Variants in HSF2 observed in about 807,000 individuals in gnomAD.
HSF2 encodes the protein heat shock transcription factor 2.
In HSF2, 21 loss-of-function variants were observed where a neutral mutation model predicts 65.0. The ratio of observed to expected loss-of-function variants is 0.32; its 90% CI spans 0.23 to 0.47. The LOEUF is 0.47. Among genes scored for constraint, HSF2 ranks in the 20% least tolerant of loss-of-function variants. The probability of loss-of-function intolerance (pLI) is 1.00; values close to 1 mark genes in which losing one functional copy is unlikely to be tolerated. For synonymous variants in HSF2, 225 were observed against 219.1 expected (o/e 1.03, Z -0.24); for missense variants, 499 against 628.1 (o/e 0.79, Z 2.20).
At chr6:122,404,720 A>G (rs1773825546) in intron 1 of HSF2, among the ~76,000 whole-genome samples, 1 of 152,212 alleles carries the variant, frequency 6.6e-6, no homozygotes, top group Non-Finnish European at 1.5e-5. Flanking sequence ...TCATCCTTGT[A>G]AAATACTTAG....
At chr6:122,414,107 A>T (rs564458558) in intron 4 of HSF2, among the ~76,000 whole-genome samples, 7 of 152,296 alleles carry the variant, frequency 4.6e-5, no homozygotes, top group Non-Finnish European at 5.9e-5. Flanking sequence ...AAATCGGAAA[A>T]CGATGCAGGA....
intron 11 of HSF2, 72 bp downstream of exon 11, chr6:122,428,028 G>A (rs913827342): frequency 5.7e-6 from 5 of 875,204 alleles, no homozygotes; most frequent in South Asian, 4.9e-5. Context: ...TAAGTAGAGA[G>A]CAATGTCACT....
At position 122,432,012 on chromosome 6, in the gene HSF2, C is replaced by T; in HGVS notation, c.1403C>T (p.Thr468Ile). 5 of 1,614,014 alleles carry T rather than the reference C, an allele frequency of 3.1e-6. No homozygotes were observed. Among genetic ancestry groups the T allele is most frequent in the Non-Finnish European group, 4.2e-6 (5 of 1,179,882 alleles). ...PASSVEQAST[T>I]ASSEVLSSVD... ...TCTTCTGTTGAACAGGCGAGTACAACAGCATCATCAGAAGTTTTGTCCTCT... is the reference window on the plus strand; with the variant it reads ...TCTTCTGTTGAACAGGCGAGTACAATAGCATCATCAGAAGTTTTGTCCTCT... Residue 468 changes from threonine (T) to isoleucine (I), a missense_variant, in exon 13 of 13, where the codon ACA (threonine) becomes ATA (isoleucine). Coordinates refer to ENST00000368455, the MANE Select transcript of HSF2 (RefSeq NM_004506.4).
At chr6:122,410,465 TTAAG>T (rs1236460655) in intron 1 of HSF2, among the ~76,000 whole-genome samples, 1 of 151,892 alleles carries the variant, frequency 6.6e-6, no homozygotes, top group African/African-American at 2.4e-5. Flanking sequence ...TTTAAGTGCA[TTAAG>T]TTAGATTCAC....
intron 10 of HSF2, among the ~76,000 whole-genome samples, chr6:122,427,009 C>G (rs1774352764): frequency 6.6e-6 from 1 of 151,984 alleles, no homozygotes; most frequent in Non-Finnish European, 1.5e-5. Flanking sequence ...AAGTTCTAAC[C>G]TAATATTCTC....
chr6:122,420,270 A>G (rs773760505), intron 7 of HSF2, 48 bp downstream of exon 7: 1 of 1,425,838 alleles, frequency 7.0e-7, no homozygotes, highest in East Asian at 2.3e-5. Context: ...CTCAGACTAA[A>G]TTTTATTATG....
intron 1 of HSF2, among the ~76,000 whole-genome samples, chr6:122,406,092 C>G (rs1365445377): frequency 6.6e-6 from 1 of 152,028 alleles, no homozygotes; most frequent in African/African-American, 2.4e-5. Context: ...CTCTTTTATC[C>G]CCTGCTGACA....
intron 8 of HSF2, 95 bp downstream of exon 8, chr6:122,422,393 A>T (rs1774256308): frequency 1.0e-6 from 1 of 958,530 alleles, no homozygotes; most frequent in African/African-American, 1.7e-5. Context: ...GAAAAATAAT[A>T]ATCTTTCTCA....
chr6:122,431,551 T>C (rs1402734031), intron 12 of HSF2, 37 bp downstream of exon 12: 1 of 1,212,050 alleles, frequency 8.3e-7, no homozygotes, highest in Admixed American at 1.9e-5. Context: ...CTGTAGGTTT[T>C]TTTAATCCTA....
intron 1 of HSF2, among the ~76,000 whole-genome samples, chr6:122,405,734 A>G (rs577680180): frequency 5.9e-5 from 9 of 152,352 alleles, no homozygotes; most frequent in South Asian, 2.1e-4. Context: ...GAACACAGCT[A>G]TGCCCAATCT....
rs1201604730 is a variant in HSF2 at position 122,422,182 on chromosome 6, A to C, written c.714A>C (p.Pro238=). 6 of 1,606,580 alleles carry C rather than the reference A, an allele frequency of 3.7e-6. No homozygotes were observed. In the African/African-American group the frequency reaches 6.7e-5, roughly 18 times the overall value. Reference sequence around the variant, plus strand: ...ACAGTAGGACTGAAGGTTTAAAGCCAAGGGAGAGGATTTCAGATGACATCA... The same window carrying C: ...ACAGTAGGACTGAAGGTTTAAAGCCCAGGGAGAGGATTTCAGATGACATCA... The part of the protein sequence containing the change: ...VPHSRTEGLK[P]RERISDDIII... The change falls in exon 8 of 13, where the codon CCA becomes CCC. Residue 238 remains proline, a synonymous_variant. Coordinates refer to ENST00000368455, the MANE Select transcript of HSF2 (RefSeq NM_004506.4).
chr6:122,413,773 CA>C (rs1176964343), intron 4 of HSF2, 124 bp downstream of exon 4: 5 of 796,562 alleles, frequency 6.3e-6, no homozygotes, highest in African/African-American at 5.4e-5. Flanking sequence ...AAGCCAAGAT[CA>C]AAGGTCATTT....
chr6:122,413,013 C>A (rs1774036682), intron 3 of HSF2, among the ~76,000 whole-genome samples: 1 of 151,674 alleles, frequency 6.6e-6, no homozygotes, highest in Non-Finnish European at 1.5e-5. Context: ...ATTGTACATC[C>A]AGTACCTACA....
Position 122,399,747 on chromosome 6 carries a change from A to G in HSF2, c.10A>G (p.Ser4Gly). MKQ[S>G]SNVPAFLSKL... ...CTGCGCCGCGTTAACAATGAAGCAG[A>G]GTTCGAACGTGCCGGCTTTCCTCAG... The change falls in exon 1 of 13, where the codon AGT becomes GGT. Residue 4 changes from serine to glycine, a missense_variant. Physicochemically the swap from Ser to Gly is moderately conservative, Grantham distance 56. Coordinates refer to ENST00000368455, the MANE Select transcript of HSF2 (RefSeq NM_004506.4). 4 of 1,611,868 alleles carry G rather than the reference A, an allele frequency of 2.5e-6. No individual in the cohort carries two copies. Among genetic ancestry groups the G allele is most frequent in the Non-Finnish European group, 3.4e-6 (4 of 1,179,064 alleles).
chr6:122,399,686 CGCT>C lies in HSF2; in HGVS notation c.-51_-49del. On this transcript the variant is annotated 5_prime_UTR_variant, in exon 1 of 13. Coordinates refer to ENST00000368455, the MANE Select transcript of HSF2 (RefSeq NM_004506.4). ...GAGCTGCTGCCGTAGCTGCCGCCGC[CGCT>C]ACCACCGCGTTCGGGTGTAGAATTT... The C allele has an allele frequency of 7.8e-7, 1 of 1,279,336 alleles. No homozygotes were observed. Among genetic ancestry groups the C allele is most frequent in the Non-Finnish European group, 1.1e-6 (1 of 908,450 alleles). 79.2% of individuals were successfully genotyped at this position (1,279,336 alleles called of 1,614,324 possible). A position where few individuals can be genotyped will look rare whatever the true frequency, so the allele number is the denominator to read the frequency against.
Position 122,412,370 on chromosome 6 carries a change from C to G in HSF2, c.94-3C>G, listed in dbSNP as rs1774019551. 2 of 1,575,920 alleles carry G rather than the reference C, an allele frequency of 1.3e-6. No individual in the cohort carries two copies. The highest frequency in any genetic ancestry group is 1.7e-6 in the Non-Finnish European group (2 of 1,147,694). ...CTTTTTCTTTTTTTTTTTCCCCTTG[C>G]AGAATGGCCAAAGTTTTCTGGTCTT... On this transcript the variant is annotated splice_region_variant and splice_polypyrimidine_tract_variant and intron_variant, in intron 1 of 12. Transcript: ENST00000368455.
intron 1 of HSF2, among the ~76,000 whole-genome samples, chr6:122,408,784 T>G (rs1388172112): frequency 6.6e-6 from 1 of 152,054 alleles, no homozygotes; most frequent in Non-Finnish European, 1.5e-5. Flanking sequence ...TTGTTCTTAA[T>G]TTTTAAAGGG....
intron 1 of HSF2, among the ~76,000 whole-genome samples, chr6:122,411,447 G>T (rs1012646736): frequency 6.6e-6 from 1 of 151,734 alleles, no homozygotes; most frequent in Non-Finnish European, 1.5e-5. Flanking sequence ...CTTTAGATTT[G>T]ATGTAGTTCC....
At chr6:122,410,260 A>G (rs572513909) in intron 1 of HSF2, among the ~76,000 whole-genome samples, 1 of 152,006 alleles carries the variant, frequency 6.6e-6, no homozygotes, top group South Asian at 2.1e-4. Flanking sequence ...TTTAGAGAGA[A>G]TTGACACCTT....
Sources: gnomAD v4.1 joint callset for allele counts (sites outside exome capture counted in the v4.1 genomes callset) on GRCh38, gnomAD v4.1.1 for gene constraint, MANE v1.5 for transcripts, NCBI Gene and HGNC (gene_info 2026-07-23, HGNC 2026-07-21) for gene names.